The following RBFOX1 variants were observed in gnomAD, a reference collection of about 807,000 sequenced individuals.
RBFOX1 encodes the protein RNA binding protein fox-1 homolog 1.
In RBFOX1, 8 loss-of-function variants were observed where a neutral mutation model predicts 57.7. The ratio of observed to expected loss-of-function variants is 0.14; its 90% CI spans 0.08 to 0.25. RBFOX1 has a LOEUF of 0.25. Ranked by LOEUF, RBFOX1 falls within the 10% of genes least tolerant of loss-of-function variation. The pLI is 1.00. For synonymous variants in RBFOX1, 326 were observed against 222.4 expected (o/e 1.47, Z -4.15); for missense variants, 611 against 548.5 (o/e 1.11, Z -1.14).
chr16:6,648,389 C>A (rs1351239439), intron 2 of RBFOX1, among the ~76,000 whole-genome samples: 4 of 151,890 alleles, frequency 2.6e-5, no homozygotes, highest in Non-Finnish European at 5.9e-5. Flanking sequence ...GCTGGGGTTG[C>A]AGACTCCACG....
intron 4 of RBFOX1, among the ~76,000 whole-genome samples, chr16:7,388,964 G>C (rs1188763253): frequency 1.3e-5 from 2 of 152,010 alleles, no homozygotes; most frequent in Non-Finnish European, 2.9e-5. Flanking sequence ...GAGCTTAATA[G>C]AGTGCCTAAT....
intron 4 of RBFOX1, among the ~76,000 whole-genome samples, chr16:5,917,235 A>G (rs1363077713): frequency 6.6e-6 from 1 of 152,168 alleles, no homozygotes; most frequent in Non-Finnish European, 1.5e-5. Context: ...GAGACTTGCT[A>G]AAGGGCTCCA....
intron 4 of RBFOX1, among the ~76,000 whole-genome samples, chr16:5,974,349 C>G (rs1248960146): frequency 6.6e-6 from 1 of 152,188 alleles, no homozygotes; most frequent in African/African-American, 2.4e-5. Flanking sequence ...TGGCTCACAC[C>G]TGTAATCCCA....
chr16:5,523,276 ACT>A (rs1469413706), intron 2 of RBFOX1, among the ~76,000 whole-genome samples: 1 of 151,294 alleles, frequency 6.6e-6, no homozygotes, highest in Non-Finnish European at 1.5e-5. Context: ...ATAGAGCAAG[ACT>A]CTGTTTCAAA....
chr16:6,934,978 G>A (rs1437850635), intron 3 of RBFOX1, among the ~76,000 whole-genome samples: 2 of 151,986 alleles, frequency 1.3e-5, no homozygotes, highest in African/African-American at 4.8e-5. Context: ...GTTCCAGCAA[G>A]TCGGGAGGCT....
chr16:6,025,565 G>A (rs548990914), intron 1 of RBFOX1, among the ~76,000 whole-genome samples: 1 of 152,286 alleles, frequency 6.6e-6, no homozygotes, highest in East Asian at 1.9e-4. Context: ...TGGCTTGACT[G>A]ACAAGTCTCC....
intron 3 of RBFOX1, among the ~76,000 whole-genome samples, chr16:6,694,149 C>T (rs1458725965): frequency 1.3e-5 from 2 of 152,182 alleles, no homozygotes; most frequent in African/African-American, 2.4e-5. Context: ...CATGACTCTG[C>T]CAACTGTTGG....
intron 1 of RBFOX1, among the ~76,000 whole-genome samples, chr16:6,120,641 C>T (rs2096542185): frequency 6.6e-6 from 1 of 152,134 alleles, no homozygotes; most frequent in Non-Finnish European, 1.5e-5. Context: ...ATATTAGCTG[C>T]TTATAATAAT....
At chr16:6,063,507 C>CA (rs1555493205) in intron 1 of RBFOX1, among the ~76,000 whole-genome samples, 10,596 of 47,010 alleles carry the variant, frequency 0.23, 568 homozygotes, top group East Asian at 0.32. Flanking sequence ...ACACACACAC[C>CA]CCCTTATATT....
At chr16:7,633,981 T>A (rs2061374635) in intron 11 of RBFOX1, among the ~76,000 whole-genome samples, 1 of 152,212 alleles carries the variant, frequency 6.6e-6, no homozygotes, top group Admixed American at 6.5e-5. Context: ...AAAGGGTTAT[T>A]TTTACATGCA....
At chr16:6,715,619 T>C (rs2064646641) in intron 3 of RBFOX1, among the ~76,000 whole-genome samples, 1 of 152,172 alleles carries the variant, frequency 6.6e-6, no homozygotes, top group Admixed American at 6.5e-5. Flanking sequence ...TCTTGTGGTC[T>C]CCTTTCTGGC....
intron 4 of RBFOX1, among the ~76,000 whole-genome samples, chr16:6,010,160 A>G (rs1458339027): frequency 6.6e-6 from 1 of 152,050 alleles, no homozygotes; most frequent in Admixed American, 6.5e-5. Flanking sequence ...TTCTGCTAAC[A>G]TGCATGCAGG....
At chr16:5,517,892 CAT>C (rs567377973) in intron 2 of RBFOX1, among the ~76,000 whole-genome samples, 2 of 150,622 alleles carry the variant, frequency 1.3e-5, no homozygotes, top group East Asian at 3.9e-4. Context: ...ACACATTTTA[CAT>C]ATATATGTGT....
chr16:5,857,007 A>T (rs546664029), intron 3 of RBFOX1, among the ~76,000 whole-genome samples: 1 of 152,148 alleles, frequency 6.6e-6, no homozygotes, highest in African/African-American at 2.4e-5. Context: ...CTTTTGGCCT[A>T]TCTTTGCTTT....
intron 3 of RBFOX1, among the ~76,000 whole-genome samples, chr16:6,895,954 G>T (rs937947273): frequency 3.3e-5 from 5 of 151,858 alleles, no homozygotes; most frequent in African/African-American, 7.3e-5. Context: ...ATATATTTGT[G>T]GGGTACCAAA....
intron 2 of RBFOX1, among the ~76,000 whole-genome samples, chr16:5,546,163 C>G (rs184590668): frequency 6.6e-6 from 1 of 152,176 alleles, no homozygotes; most frequent in African/African-American, 2.4e-5. Flanking sequence ...ATTAATAAGA[C>G]AAACTAATGA....
intron 3 of RBFOX1, among the ~76,000 whole-genome samples, chr16:6,827,838 C>G (rs1216994189): frequency 6.6e-6 from 1 of 152,240 alleles, no homozygotes; most frequent in Admixed American, 6.5e-5. Context: ...CTTGAAACCT[C>G]AGGTCCTTCT....
chr16:6,773,191 TGGGGTGC>T, intron 3 of RBFOX1, among the ~76,000 whole-genome samples: 1 of 90,528 alleles, frequency 1.1e-5, no homozygotes, highest in East Asian at 4.2e-4. Context: ...TGTGTGGGCA[TGGGGTGC>T]ATTTGTGTGT....
chr16:6,869,990 C>G (rs2153259074), intron 3 of RBFOX1, among the ~76,000 whole-genome samples: 1 of 152,272 alleles, frequency 6.6e-6, no homozygotes, highest in East Asian at 1.9e-4. Flanking sequence ...TCAAAGGTAA[C>G]ATTTTCTACG....
Sources: gnomAD v4.1 joint callset for allele counts (sites outside exome capture counted in the v4.1 genomes callset) on GRCh38, gnomAD v4.1.1 for gene constraint, MANE v1.5 for transcripts, NCBI Gene and HGNC (gene_info 2026-07-23, HGNC 2026-07-21) for gene names.